The following FARS2 variants were observed in gnomAD, a reference collection of about 807,000 sequenced individuals.
The protein encoded by FARS2 is phenylalanyl-tRNA synthetase 2, mitochondrial.
FARS2 carries 40 observed loss-of-function variants against 46.4 expected under a neutral mutation model. The ratio of observed to expected loss-of-function variants is 0.86; its 90% CI spans 0.67 to 1.12. FARS2 has a LOEUF of 1.12. Among genes scored for constraint, FARS2 ranks in the 50% most tolerant of loss-of-function variants. The pLI, the probability that FARS2 is intolerant of heterozygous loss-of-function variation, is 0.00. For missense variants in FARS2, 513 were observed against 567.9 expected, an observed-to-expected ratio of 0.90 and a Z score of 0.98; for synonymous variants, 234 against 214.9, an observed-to-expected ratio of 1.09 and a Z score of -0.78.
At chr6:5,468,937 G>A (rs889046451) in intron 4 of FARS2, among the ~76,000 whole-genome samples, 6 of 152,194 alleles carry the variant, frequency 3.9e-5, no homozygotes, top group African/African-American at 1.4e-4. Flanking sequence ...ACACAGATGT[G>A]TATATGACTT....
chr6:5,499,976 G>A (rs571879964), intron 4 of FARS2, among the ~76,000 whole-genome samples: 2 of 152,174 alleles, frequency 1.3e-5, no homozygotes, highest in African/African-American at 2.4e-5. Flanking sequence ...TAATACAAGG[G>A]GCATCTGAAA....
upstream of FARS2, among the ~76,000 whole-genome samples, chr6:5,259,018 T>A (rs187723238): frequency 6.6e-6 from 1 of 152,238 alleles, no homozygotes; most frequent in Non-Finnish European, 1.5e-5. Context: ...TCCTTAGAGA[T>A]TGTCTAGTCC....
chr6:5,658,940 G>A (rs755762961), intron 6 of FARS2, among the ~76,000 whole-genome samples: 40 of 152,154 alleles, frequency 2.6e-4, no homozygotes, highest in South Asian at 2.1e-4. Flanking sequence ...GCTGCCAGGC[G>A]CCCCAACACG....
intron 3 of FARS2, among the ~76,000 whole-genome samples, chr6:5,430,522 A>G (rs1241425624): frequency 6.6e-6 from 1 of 151,962 alleles, no homozygotes; most frequent in East Asian, 1.9e-4. Context: ...ATTGACTGAT[A>G]GATTTGGTTT....
chr6:5,382,109 C>A (rs772392754), intron 2 of FARS2, among the ~76,000 whole-genome samples: 2 of 152,134 alleles, frequency 1.3e-5, no homozygotes, highest in Non-Finnish European at 2.9e-5. Context: ...CTTTAGATAG[C>A]GTGTGTGTAT....
intron 1 of FARS2, among the ~76,000 whole-genome samples, chr6:5,339,423 C>G (rs943715443): frequency 1.1e-4 from 17 of 151,612 alleles, no homozygotes; most frequent in Admixed American, 3.3e-4. Context: ...ATTCACAAAC[C>G]AGGAGACTTC....
intron 1 of FARS2, among the ~76,000 whole-genome samples, chr6:5,349,316 T>A (rs1430519801): frequency 2.6e-5 from 4 of 152,180 alleles, no homozygotes; most frequent in African/African-American, 9.7e-5. Flanking sequence ...AAAAACCTGA[T>A]TTTTGCAAAA....
Position 5,387,751 on chromosome 6 carries a change from A to G in FARS2, c.613-16791A>G, listed in dbSNP as rs190075017. 1.5e-3 allele frequency among the ~76,000 whole-genome samples: 223 copies of G among 152,264 alleles called. 2 individuals carry two copies. Among genetic ancestry groups the G allele is most frequent in the Middle Eastern group, 6.8e-3 (2 of 294 alleles). Reference sequence around the variant, plus strand: ...GTTATCCTTCTAGAGCTCTTTCCTCATTCTTTCATGTTGGTTACAAATCAT... The same window carrying G: ...GTTATCCTTCTAGAGCTCTTTCCTCGTTCTTTCATGTTGGTTACAAATCAT... On this transcript the variant is annotated intron_variant, in intron 2 of 6. Transcript: ENST00000274680.
intron 4 of FARS2, among the ~76,000 whole-genome samples, chr6:5,527,647 T>C (rs1769553317): frequency 6.6e-6 from 1 of 152,254 alleles, no homozygotes; most frequent in Non-Finnish European, 1.5e-5. Flanking sequence ...TTAATGCACT[T>C]AAAATATCAC....
chr6:5,350,171 T>A (rs1446461617), intron 1 of FARS2, among the ~76,000 whole-genome samples: 1 of 33,870 alleles, frequency 3.0e-5, no homozygotes, highest in African/African-American at 6.7e-5. Context: ...CCTGGCAAAT[T>A]TTTTTTTTTT....
At chr6:5,628,637 G>C (rs917363655) in intron 6 of FARS2, among the ~76,000 whole-genome samples, 1 of 152,230 alleles carries the variant, frequency 6.6e-6, no homozygotes, top group Admixed American at 6.5e-5. Context: ...GAAGCTGTGA[G>C]TACCTAGGAA....
chr6:5,370,120 A>G (rs1758959197), intron 2 of FARS2, among the ~76,000 whole-genome samples: 2 of 152,230 alleles, frequency 1.3e-5, no homozygotes, highest in Non-Finnish European at 2.9e-5. Context: ...CTGCCAACGT[A>G]AGCTAAATGA....
chr6:5,755,447 T>G (rs1762158390), intron 6 of FARS2, among the ~76,000 whole-genome samples: 1 of 152,194 alleles, frequency 6.6e-6, no homozygotes, highest in South Asian at 2.1e-4. Context: ...GTGTTTAGTT[T>G]TCTGTTCTTG....
intron 4 of FARS2, among the ~76,000 whole-genome samples, chr6:5,456,230 C>CA (rs11448064): frequency 0.72 from 109,620 of 151,700 alleles, 39,929 homozygotes; most frequent in East Asian, 0.92. Context: ...AAACAAAAAG[C>CA]AAAAAATAAA....
chr6:5,640,806 A>G (rs1480974488), intron 6 of FARS2, among the ~76,000 whole-genome samples: 1 of 152,212 alleles, frequency 6.6e-6, no homozygotes, highest in African/African-American at 2.4e-5. Flanking sequence ...AATTCCTGAC[A>G]AACACCTTTC....
chr6:5,553,135 A>G (rs1299980205), intron 5 of FARS2, among the ~76,000 whole-genome samples: 3 of 152,274 alleles, frequency 2.0e-5, no homozygotes, highest in African/African-American at 7.2e-5. Context: ...TAATTCAGCA[A>G]TGTTGGCTGT....
intron 6 of FARS2, among the ~76,000 whole-genome samples, chr6:5,731,008 A>G (rs1427011858): frequency 2.6e-5 from 4 of 152,058 alleles, no homozygotes; most frequent in Non-Finnish European, 5.9e-5. Flanking sequence ...CATCAACCCT[A>G]ATGACTACAC....
At chr6:5,690,607 C>G (rs1307071388) in intron 6 of FARS2, among the ~76,000 whole-genome samples, 1 of 151,660 alleles carries the variant, frequency 6.6e-6, no homozygotes, top group Non-Finnish European at 1.5e-5. Flanking sequence ...GTAACCCGAC[C>G]TTTCTCTCTG....
At chr6:5,715,764 G>A (rs1373330269) in intron 6 of FARS2, among the ~76,000 whole-genome samples, 1 of 152,164 alleles carries the variant, frequency 6.6e-6, no homozygotes, top group Non-Finnish European at 1.5e-5. Context: ...TATTTATGAT[G>A]CTGCTATGAA....
Sources: allele counts gnomAD v4.1 joint callset (sites outside exome capture counted in the v4.1 genomes callset), GRCh38; gene constraint gnomAD v4.1.1; transcripts MANE v1.5; gene names NCBI Gene and HGNC (gene_info 2026-07-23, HGNC 2026-07-21).